Variants in ALK observed in about 807,000 individuals in gnomAD.
ALK encodes ALK receptor tyrosine kinase.
ALK carries 74 observed loss-of-function variants against 163.1 expected under a neutral mutation model. The ratio of observed to expected loss-of-function variants is 0.45; its 90% CI spans 0.38 to 0.55. The LOEUF is 0.55. ALK is among the 20% of genes least tolerant of loss of function. ALK has a pLI of 0.00. For missense variants in ALK, 2,063 were observed against 2,105.3 expected, an observed-to-expected ratio of 0.98 and a Z score of 0.39; for synonymous variants, 960 against 843.2, an observed-to-expected ratio of 1.14 and a Z score of -2.40.
In ALK at chr2:29,227,125, C is replaced by A. The variant is rs2148178880; in HGVS notation, c.2915-51G>T. On this transcript the variant is annotated intron_variant, in intron 17 of 28. Transcript: ENST00000389048. This position sits in a 1 kb window ranked among gnomAD's most constrained non-coding sequence, Gnocchi z 4.4. ...CTTGGGCCGAGCCTGCCTCCCCACT[C>A]CCAGCCTCAGTACTATGTCTCCAGG... The A allele has an allele frequency of 6.2e-7, 1 of 1,613,094 alleles. No individual in the cohort carries two copies. The highest frequency in any genetic ancestry group is 1.3e-5 in the African/African-American group (1 of 75,032).
At chr2:29,889,244 T>A (rs1365320920) in intron 1 of ALK, among the ~76,000 whole-genome samples, 1 of 72,842 alleles carries the variant, frequency 1.4e-5, no homozygotes. Flanking sequence ...AAAGGAAAAA[T>A]ATATATACAC....
At chr2:29,555,687 G>C (rs572763062) in intron 3 of ALK, among the ~76,000 whole-genome samples, 1 of 152,278 alleles carries the variant, frequency 6.6e-6, no homozygotes, top group African/African-American at 2.4e-5. Flanking sequence ...TCAATTGAAC[G>C]AGCCTGAAGA....
chr2:29,913,508 G>A (rs1667758738), intron 1 of ALK, among the ~76,000 whole-genome samples: 1 of 152,018 alleles, frequency 6.6e-6, no homozygotes, highest in African/African-American at 2.4e-5. Context: ...TGGCTGTAAA[G>A]AAGAAGGACT....
intron 1 of ALK, among the ~76,000 whole-genome samples, chr2:29,854,743 T>C (rs189361282): frequency 1.3e-5 from 2 of 152,304 alleles, no homozygotes; most frequent in Admixed American, 1.3e-4. Flanking sequence ...ATTATGGCCT[T>C]ATAATAAAGC....
intron 3 of ALK, among the ~76,000 whole-genome samples, chr2:29,652,868 A>C (rs2148255138): frequency 6.6e-6 from 1 of 152,210 alleles, no homozygotes; most frequent in East Asian, 1.9e-4. Context: ...TGTCATCTAT[A>C]TTCTTTGTAA....
At position 29,737,730 on chromosome 2, in the gene ALK, A is replaced by G. The variant is rs75726886; in HGVS notation, c.668-20033T>C. ...TGCCCAGAAAAAGAGTCTATTGGGA[A>G]GCGTTACCTCCACCATCCTTCCCAA... is the stretch of plus-strand genomic sequence containing the variant. On this transcript the variant is annotated intron_variant, in intron 1 of 28. Coordinates refer to ENST00000389048, the MANE Select transcript of ALK (RefSeq NM_004304.5). Among the ~76,000 whole-genome samples the G allele has an allele frequency of 4.4e-4, 67 of 152,190 alleles. No homozygotes were observed. In the East Asian group the frequency reaches 0.011, roughly 25 times the overall value.
intron 26 of ALK, among the ~76,000 whole-genome samples, chr2:29,200,743 A>ATATACATACGTATATATG (rs1669140990): frequency 1.8e-5 from 2 of 110,898 alleles, no homozygotes; most frequent in African/African-American, 5.9e-5. Context: ...ATATATACGT[A>ATATACATACGTATATATG]TATATATACG....
intron 4 of ALK, among the ~76,000 whole-genome samples, chr2:29,404,362 T>C (rs1483558121): frequency 6.7e-6 from 1 of 148,738 alleles, no homozygotes; most frequent in Non-Finnish European, 1.5e-5. Context: ...TCCTCTTAAA[T>C]AAATAACATA....
intron 1 of ALK, chr2:29,899,452 C>T (rs1051908497): frequency 6.6e-6 from 1 of 152,284 alleles, no homozygotes; most frequent in African/African-American, 2.4e-5. Context: ...GACAGAGAGC[C>T]TGGGCTCTTG....
At chr2:29,875,726 C>T (rs112946534) in intron 1 of ALK, among the ~76,000 whole-genome samples, 6,388 of 152,154 alleles carry the variant, frequency 0.042, 394 homozygotes, top group African/African-American at 0.14. Context: ...AATGATGGTT[C>T]CCAGCTTTAT....
chr2:29,328,410 C>T lies in ALK; in HGVS notation c.1354G>A (p.Gly452Arg), dbSNP rs1277320933. Residue 452 changes from glycine (G) to arginine (R), a missense_variant, in exon 6 of 29, where the codon GGG (glycine) becomes AGG (arginine). By Grantham distance (125) the Gly-to-Arg change is moderately radical (BLOSUM62 -2). Transcript: ENST00000389048. ...TCWNGTVLQLGQACDFHQDCA... is the reference protein window; with the variant it reads ...TCWNGTVLQLRQACDFHQDCA... Reference sequence around the variant, plus strand: ...TCCTGGTGGAAGTCACAGGCCTGCCCAAGCTGGAGGACTGTCCCATTCCAA... The same window carrying T: ...TCCTGGTGGAAGTCACAGGCCTGCCTAAGCTGGAGGACTGTCCCATTCCAA... The T allele has an allele frequency of 6.2e-7, 1 of 1,614,206 alleles. No individual in the cohort carries two copies.
Position 29,193,219 on chromosome 2 carries a change from CG to C in ALK, c.*4del. The C allele has an allele frequency of 6.2e-7, 1 of 1,613,742 alleles. No homozygotes were observed. Among genetic ancestry groups the C allele is most frequent in the Non-Finnish European group, 8.5e-7 (1 of 1,179,942 alleles). ...CAAGGAAGAGAAGTGAGTGTGCGAC[CG>C]AGCTCAGGGCCCAGGCTGGTTCATG... On this transcript the variant is annotated 3_prime_UTR_variant, in exon 29 of 29. Transcript: ENST00000389048.
At chr2:29,253,033 C>T (rs1198386032) in intron 11 of ALK, among the ~76,000 whole-genome samples, 1 of 152,068 alleles carries the variant, frequency 6.6e-6, no homozygotes, top group Non-Finnish European at 1.5e-5. Flanking sequence ...CACTCTCTCA[C>T]CCAGGCTGGA....
At chr2:29,818,846 T>A (rs889638792) in intron 1 of ALK, among the ~76,000 whole-genome samples, 3 of 152,230 alleles carry the variant, frequency 2.0e-5, no homozygotes, top group Non-Finnish European at 4.4e-5. Flanking sequence ...CATGTGAGAA[T>A]CACCTGGGAT....
chr2:29,370,588 T>C (rs1668614900), intron 5 of ALK, among the ~76,000 whole-genome samples: 1 of 152,238 alleles, frequency 6.6e-6, no homozygotes, highest in Non-Finnish European at 1.5e-5. Context: ...GCATTCAACC[T>C]CTCTGGGCCT....
chr2:29,200,785 A>G (rs1383573545), intron 26 of ALK, among the ~76,000 whole-genome samples: 26 of 55,638 alleles, frequency 4.7e-4, no homozygotes, highest in Admixed American at 4.1e-3. Flanking sequence ...ATATATATGT[A>G]TATACATGTA....
intron 4 of ALK, among the ~76,000 whole-genome samples, chr2:29,510,181 C>T (rs918185040): frequency 1.3e-5 from 2 of 152,180 alleles, no homozygotes; most frequent in Non-Finnish European, 2.9e-5. Context: ...CCATTTCTTT[C>T]ATCCCACCCA....
intron 5 of ALK, among the ~76,000 whole-genome samples, chr2:29,361,899 GA>G (rs1668396681): frequency 6.6e-6 from 1 of 152,170 alleles, no homozygotes. Flanking sequence ...GACTGTCTTT[GA>G]AACAAATAAT....
intron 4 of ALK, among the ~76,000 whole-genome samples, chr2:29,523,394 C>A (rs543780632): frequency 2.0e-5 from 3 of 152,168 alleles, no homozygotes; most frequent in African/African-American, 4.8e-5. Flanking sequence ...CAACTCCAAA[C>A]CTTGTTCTGA....
Sources: gnomAD v4.1 joint callset for allele counts (sites outside exome capture counted in the v4.1 genomes callset) on GRCh38, gnomAD v4.1.1 for gene constraint, Gnocchi (gnomAD v3.1) non-coding constraint, MANE v1.5 for transcripts, NCBI Gene and HGNC (gene_info 2026-07-23, HGNC 2026-07-21) for gene names.